The following STX8 variants were observed in gnomAD, a reference collection of about 807,000 sequenced individuals.
STX8 encodes syntaxin 8, also known as syntaxin-8.
Under a neutral mutation model 37.5 loss-of-function variants are expected in STX8, and 23 were observed. That is an observed-to-expected ratio of 0.61 (90% CI 0.44 to 0.87). The LOEUF (loss-of-function observed/expected upper bound fraction) is 0.87, where lower values mean the gene tolerates loss of function less well. Among genes scored for constraint, STX8 ranks in the 40% least tolerant of loss-of-function variants. The pLI, the probability that STX8 is intolerant of heterozygous loss-of-function variation, is 0.00. For synonymous variants in STX8, 115 were observed against 99.1 expected (o/e 1.16, Z -0.95); for missense variants, 313 against 284.7 (o/e 1.10, Z -0.71).
At chr17:9,386,251 A>G (rs1212833506) in intron 6 of STX8, among the ~76,000 whole-genome samples, 1 of 152,210 alleles carries the variant, frequency 6.6e-6, no homozygotes, top group Non-Finnish European at 1.5e-5. Context: ...CTATTCGGCA[A>G]TAGAAAGCAT....
At chr17:9,436,616 C>T (rs865992603) in intron 6 of STX8, among the ~76,000 whole-genome samples, 5 of 152,116 alleles carry the variant, frequency 3.3e-5, no homozygotes, top group African/African-American at 1.2e-4. Context: ...ATTACGACCA[C>T]GATCAACATA....
intron 6 of STX8, among the ~76,000 whole-genome samples, chr17:9,394,784 T>C (rs1366002547): frequency 6.6e-6 from 1 of 151,868 alleles, no homozygotes; most frequent in African/African-American, 2.4e-5. Context: ...TTAAAAAAGT[T>C]TGGCCAGGCA....
chr17:9,250,535 C>G lies in STX8; in HGVS notation c.*43G>C. 1 of 1,544,192 alleles carries G rather than the reference C, an allele frequency of 6.5e-7. No homozygotes were observed. The highest frequency in any genetic ancestry group is 8.8e-7 in the Non-Finnish European group (1 of 1,134,832). On this transcript the variant is annotated 3_prime_UTR_variant, in exon 8 of 8. Coordinates refer to ENST00000306357, the MANE Select transcript of STX8 (RefSeq NM_004853.3). Reference sequence around the variant, plus strand: ...TACCAAAAGGGTGTTGGGCTTGCATCTGTCATTGGCAGGTGTCACTGCTGG... The same window carrying G: ...TACCAAAAGGGTGTTGGGCTTGCATGTGTCATTGGCAGGTGTCACTGCTGG...
In STX8 at chr17:9,545,191, C is replaced by T. The variant is rs1252502615; in HGVS notation, c.304G>A (p.Ala102Thr). The change falls in exon 4 of 8, where the codon GCC becomes ACC. Residue 102 changes from alanine (A) to threonine (T), a missense_variant. Transcript: ENST00000306357. ...TCCTACCTGATTAGATCTGGTTCGG[C>T]ACCCTCATTCTTAAAGGATGCCAGA... ...LLLASFKNEG[A>T]EPDLIRSSLM... 2.5e-6 allele frequency: 4 copies of T among 1,613,724 alleles called. No individual in the cohort carries two copies. The highest frequency in any genetic ancestry group is 3.4e-6 in the Non-Finnish European group (4 of 1,179,846).
At chr17:9,459,676 C>T (rs1905293981) in intron 6 of STX8, among the ~76,000 whole-genome samples, 2 of 152,152 alleles carry the variant, frequency 1.3e-5, no homozygotes, top group Non-Finnish European at 1.5e-5. Flanking sequence ...CCACGACGTC[C>T]AGCTAATTTT....
chr17:9,514,019 T>C (rs1346692468), intron 4 of STX8, among the ~76,000 whole-genome samples: 1 of 151,970 alleles, frequency 6.6e-6, no homozygotes, highest in Non-Finnish European at 1.5e-5. Flanking sequence ...CACCAGAAAC[T>C]GGGGAGAGTA....
At chr17:9,263,673 G>GCAGTAAACATCTTTGAA (rs1907128216) in intron 7 of STX8, among the ~76,000 whole-genome samples, 1 of 152,196 alleles carries the variant, frequency 6.6e-6, no homozygotes, top group Admixed American at 6.5e-5. Context: ...AAGGAATGCT[G>GCAGTAAACATCTTTGAA]CAGTAAACAT....
At chr17:9,345,156 CT>C (rs765904680) in intron 7 of STX8, among the ~76,000 whole-genome samples, 354 of 144,550 alleles carry the variant, frequency 2.4e-3, no homozygotes, top group Admixed American at 2.4e-3. Context: ...CATTTTCTTT[CT>C]TTTTTTTTTT....
intron 7 of STX8, among the ~76,000 whole-genome samples, chr17:9,305,156 G>A (rs1359233908): frequency 2.6e-5 from 4 of 151,720 alleles, no homozygotes; most frequent in Admixed American, 6.6e-5. Context: ...GCAGTGGCGC[G>A]GTCTCGGCTC....
At chr17:9,520,920 A>G (rs1403744648) in intron 4 of STX8, among the ~76,000 whole-genome samples, 1 of 152,216 alleles carries the variant, frequency 6.6e-6, no homozygotes, top group African/African-American at 2.4e-5. Context: ...CACAGACCAC[A>G]GGGAGGTTTG....
intron 7 of STX8, among the ~76,000 whole-genome samples, chr17:9,277,731 A>G (rs562018458): frequency 4.7e-4 from 72 of 152,244 alleles, no homozygotes; most frequent in Admixed American, 1.8e-3. Flanking sequence ...TTGAGATCTA[A>G]AAGTAAATAA....
chr17:9,566,326 A>G (rs9912330), intron 2 of STX8, among the ~76,000 whole-genome samples: 9,012 of 152,308 alleles, frequency 0.059, 406 homozygotes, highest in African/African-American at 0.13. Flanking sequence ...GAGGTTGCAG[A>G]GCAAAAGGAA....
intron 7 of STX8, among the ~76,000 whole-genome samples, chr17:9,333,585 T>C (rs1043897535): frequency 2.6e-5 from 4 of 152,094 alleles, no homozygotes; most frequent in Non-Finnish European, 5.9e-5. Context: ...GAGATGGGGT[T>C]TCACTGTGTT....
At chr17:9,332,168 A>T (rs1157926822) in intron 7 of STX8, among the ~76,000 whole-genome samples, 1 of 152,192 alleles carries the variant, frequency 6.6e-6, no homozygotes, top group Non-Finnish European at 1.5e-5. Flanking sequence ...GAAAAATTTT[A>T]GCATTTCCCA....
chr17:9,574,689 C>G (rs917527665), intron 1 of STX8, among the ~76,000 whole-genome samples: 2 of 152,094 alleles, frequency 1.3e-5, no homozygotes, highest in East Asian at 1.9e-4. Flanking sequence ...CATGTACTAC[C>G]ATGCCCGGCT....
chr17:9,447,944 C>T (rs1043949480), intron 6 of STX8, among the ~76,000 whole-genome samples: 3 of 151,620 alleles, frequency 2.0e-5, no homozygotes, highest in African/African-American at 4.8e-5. Flanking sequence ...TTTGGGAGGC[C>T]GAGGCAGGCA....
In STX8 at chr17:9,259,309, T is replaced by G. The variant is rs550377389; in HGVS notation, c.644-8664A>C. On this transcript the variant is annotated intron_variant, in intron 7 of 7. Coordinates refer to ENST00000306357, the MANE Select transcript of STX8 (RefSeq NM_004853.3). ...AAATGGTAACTCTCCCAACAATAAT[T>G]ATTACTCCTCGTAATAATTACACCC... Among the ~76,000 whole-genome samples, 60 of 152,292 alleles carry G rather than the reference T, an allele frequency of 3.9e-4. 1 individual carries two copies. The South Asian group carries it at 0.012, about 31-fold the overall frequency.
chr17:9,307,374 G>A (rs1358835069), intron 7 of STX8, among the ~76,000 whole-genome samples: 1 of 152,144 alleles, frequency 6.6e-6, no homozygotes, highest in Non-Finnish European at 1.5e-5. Context: ...CCCACATGGG[G>A]CAACACCTGG....
Position 9,288,228 on chromosome 17 carries a change from G to A in STX8, c.644-37583C>T, listed in dbSNP as rs77979209. ...AAGGAATCCAATGACAAGATACAACGCAAAGAACAGAAGAAAATGTGAAAG... is the reference window on the plus strand; with the variant it reads ...AAGGAATCCAATGACAAGATACAACACAAAGAACAGAAGAAAATGTGAAAG... On this transcript the variant is annotated intron_variant, in intron 7 of 7. Coordinates refer to ENST00000306357, the MANE Select transcript of STX8 (RefSeq NM_004853.3). 6.3e-3 allele frequency among the ~76,000 whole-genome samples: 849 copies of A among 134,938 alleles called. 6 individuals carry two copies. Among genetic ancestry groups the A allele is most frequent in the African/African-American group, 0.021 (779 of 37,332 alleles). The allele number at this position is 134,938 out of a possible 152,430, so 88.5% of individuals were successfully genotyped here.
Sources: allele counts gnomAD v4.1 joint callset (sites outside exome capture counted in the v4.1 genomes callset), GRCh38; gene constraint gnomAD v4.1.1; transcripts MANE v1.5; gene names NCBI Gene and HGNC (gene_info 2026-07-23, HGNC 2026-07-21).